The following PICALM variants were observed in gnomAD, a reference collection of about 807,000 sequenced individuals.
The protein encoded by PICALM is phosphatidylinositol binding clathrin assembly protein, also known as phosphatidylinositol-binding clathrin assembly protein.
PICALM carries 40 observed loss-of-function variants against 80.5 expected under a neutral mutation model. That is an observed-to-expected ratio of 0.50 (90% confidence interval 0.39 to 0.65). The LOEUF (loss-of-function observed/expected upper bound fraction) is 0.65, where lower values mean the gene tolerates loss of function less well. Among genes scored for constraint, PICALM ranks in the 30% least tolerant of loss-of-function variants. PICALM has a pLI of 0.00. For missense variants in PICALM, 676 were observed against 778.9 expected (o/e 0.87, Z 1.57); for synonymous variants, 288 against 260.3 (o/e 1.11, Z -1.02).
chr11:85,963,622 T>A (rs1479757143), intron 19 of PICALM, among the ~76,000 whole-genome samples: 1 of 152,206 alleles, frequency 6.6e-6, no homozygotes, highest in Non-Finnish European at 1.5e-5. Context: ...CTGCAAGTGG[T>A]TGATGATAGT....
At chr11:86,040,970 T>C (rs143652052) in intron 1 of PICALM, among the ~76,000 whole-genome samples, 1 of 152,274 alleles carries the variant, frequency 6.6e-6, no homozygotes, top group Non-Finnish European at 1.5e-5. Flanking sequence ...AATCTGTATG[T>C]ATAGGATTCA....
chr11:85,974,910 TTTGC>T, intron 18 of PICALM, 98 bp from the exon 19 acceptor site: 2 of 810,650 alleles, frequency 2.5e-6, no homozygotes, highest in Non-Finnish European at 4.3e-6. Context: ...TCCTAGTACC[TTTGC>T]TTGACTCAAA....
chr11:85,993,849 CAACTGATACCTACATTCACACACACTA>C (rs2094874793), intron 12 of PICALM, among the ~76,000 whole-genome samples: 1 of 152,020 alleles, frequency 6.6e-6, no homozygotes, highest in African/African-American at 2.4e-5. Flanking sequence ...AAGTCCTAAA[CAACTGATACCTACATTCACACACACTA>C]AACTGATTTT....
intron 4 of PICALM, among the ~76,000 whole-genome samples, chr11:86,017,222 CAAA>C (rs11326179): frequency 1.5e-4 from 21 of 137,028 alleles, no homozygotes; most frequent in Admixed American, 1.4e-4. Context: ...GACTCTGTCT[CAAA>C]AAAAAAAAAA....
chr11:86,000,676 A>G lies in PICALM; in HGVS notation c.1121T>C (p.Ile374Thr). 6.2e-7 allele frequency: 1 copy of G among 1,612,432 alleles called. No homozygotes were observed. The highest frequency in any genetic ancestry group is 2.2e-5 in the East Asian group (1 of 44,876). The change falls in exon 11 of 20, where the codon ATT becomes ACT. Residue 374 changes from isoleucine to threonine, a missense_variant. Transcript: ENST00000393346. ...SAGGIMTAPA[I>T]DIFSTPSSSN... ...AGAACTAGGGGTAGAAAATATGTCAATGGCTGGTGCAGTCATTATCCCTCC... is the reference window on the plus strand; with the variant it reads ...AGAACTAGGGGTAGAAAATATGTCAGTGGCTGGTGCAGTCATTATCCCTCC...
chr11:85,967,433 A>G (rs547846186), intron 19 of PICALM, among the ~76,000 whole-genome samples: 6 of 152,372 alleles, frequency 3.9e-5, no homozygotes, highest in East Asian at 1.9e-4. Flanking sequence ...GTCTTATTCT[A>G]TAAGTTGTCT....
At chr11:85,969,753 A>C (rs564088132) in intron 19 of PICALM, 1 of 293,164 alleles carries the variant, frequency 3.4e-6, no homozygotes, top group African/African-American at 2.2e-5. Context: ...TCCTGCACTT[A>C]AGTGATCCTC....
Position 85,992,702 on chromosome 11 carries a change from C to A in PICALM, c.1259-2303G>T, listed in dbSNP as rs11820073. The stretch of plus-strand genomic sequence containing the variant: ...TTCACGCAAAAAAAGCCATGAAATA[C>A]GTAATTTTTTAAAGACACATTATTT... On this transcript the variant is annotated intron_variant, in intron 12 of 19. Coordinates refer to ENST00000393346, the MANE Select transcript of PICALM (RefSeq NM_007166.4). Among the ~76,000 whole-genome samples, 1,130 of 152,208 alleles carry A rather than the reference C, an allele frequency of 7.4e-3. 12 individuals are homozygous for A. The highest frequency in any genetic ancestry group is 0.026 in the African/African-American group (1,088 of 41,524).
At chr11:85,988,554 T>C (rs1460447568) in intron 13 of PICALM, among the ~76,000 whole-genome samples, 1 of 150,430 alleles carries the variant, frequency 6.6e-6, no homozygotes. Flanking sequence ...ACACAAAAAA[T>C]TCTGACAAGG....
intron 1 of PICALM, among the ~76,000 whole-genome samples, chr11:86,055,607 A>G (rs899080282): frequency 2.0e-5 from 3 of 152,166 alleles, no homozygotes; most frequent in Non-Finnish European, 4.4e-5. Flanking sequence ...TCCACATTAC[A>G]CAGAGGTAGT....
chr11:86,037,845 A>G (rs2095870308), intron 1 of PICALM, among the ~76,000 whole-genome samples: 1 of 152,194 alleles, frequency 6.6e-6, no homozygotes, highest in Non-Finnish European at 1.5e-5. Flanking sequence ...TTATAAAGGA[A>G]CTATAACACT....
At chr11:86,035,459 G>A (rs553808288) in intron 1 of PICALM, among the ~76,000 whole-genome samples, 2 of 152,280 alleles carry the variant, frequency 1.3e-5, no homozygotes, top group African/African-American at 4.8e-5. Flanking sequence ...TTCTAAAAAA[G>A]AAGCCTGGCC....
chr11:86,064,417 T>C (rs1003238959), intron 1 of PICALM, among the ~76,000 whole-genome samples: 1 of 152,132 alleles, frequency 6.6e-6, no homozygotes, highest in African/African-American at 2.4e-5. Context: ...CCCAGCACTT[T>C]AGGAGGCTCA....
chr11:86,026,617 G>C (rs989614563), intron 2 of PICALM, among the ~76,000 whole-genome samples: 2 of 152,064 alleles, frequency 1.3e-5, no homozygotes, highest in African/African-American at 4.8e-5. Context: ...AAAGCAAATA[G>C]GCAGTGGAAG....
chr11:86,037,236 C>T (rs1274449918), intron 1 of PICALM, among the ~76,000 whole-genome samples: 1 of 144,592 alleles, frequency 6.9e-6, no homozygotes, highest in Non-Finnish European at 1.5e-5. Flanking sequence ...TGAGCCACCA[C>T]ACCCAGCCAA....
At chr11:86,016,352 A>C (rs1435940378) in intron 4 of PICALM, among the ~76,000 whole-genome samples, 1 of 152,192 alleles carries the variant, frequency 6.6e-6, no homozygotes, top group African/African-American at 2.4e-5. Flanking sequence ...TTATTCTGTG[A>C]CAATTACCTT....
chr11:86,064,508 A>C (rs1230368597), intron 1 of PICALM, among the ~76,000 whole-genome samples: 1 of 152,000 alleles, frequency 6.6e-6, no homozygotes, highest in Admixed American at 6.6e-5. Flanking sequence ...ATAAAAATTA[A>C]AAATTAGCTG....
chr11:85,960,150 T>C (rs1330892455), intron 19 of PICALM, among the ~76,000 whole-genome samples: 2 of 152,116 alleles, frequency 1.3e-5, no homozygotes, highest in Non-Finnish European at 2.9e-5. Context: ...TTCAATAGGG[T>C]ACTACTGTTC....
chr11:86,060,040 G>T (rs979927125), intron 1 of PICALM, among the ~76,000 whole-genome samples: 1 of 152,118 alleles, frequency 6.6e-6, no homozygotes, highest in Non-Finnish European at 1.5e-5. Context: ...ACATAAAGTG[G>T]ACATAGGGAT....
Sources: allele counts gnomAD v4.1 joint callset (sites outside exome capture counted in the v4.1 genomes callset), GRCh38; gene constraint gnomAD v4.1.1; transcripts MANE v1.5; gene names NCBI Gene and HGNC (gene_info 2026-07-23, HGNC 2026-07-21).